Variants in CSMD3 observed in about 807,000 individuals in gnomAD.
The protein encoded by CSMD3 is CUB and sushi domain-containing protein 3.
In CSMD3, 177 loss-of-function variants were observed where a neutral mutation model predicts 435.2. The observed-to-expected ratio is 0.41, with a 90% CI of 0.36 to 0.46. CSMD3 has a LOEUF of 0.46. Among genes scored for constraint, CSMD3 ranks in the 20% least tolerant of loss-of-function variants. CSMD3 has a pLI of 0.34. For missense variants in CSMD3, 4,265 were observed against 4,504.6 expected (o/e 0.95, Z 1.52); for synonymous variants, 1,656 against 1,520.5 (o/e 1.09, Z -2.07).
intron 19 of CSMD3, among the ~76,000 whole-genome samples, chr8:112,649,712 G>C (rs1378058070): frequency 1.3e-5 from 2 of 152,144 alleles, no homozygotes; most frequent in African/African-American, 4.8e-5. Flanking sequence ...AGGGTAGTCG[G>C]AGTAAACTAC....
At chr8:113,333,675 A>G (rs1261900520) in intron 1 of CSMD3, among the ~76,000 whole-genome samples, 2 of 151,950 alleles carry the variant, frequency 1.3e-5, no homozygotes, top group Non-Finnish European at 2.9e-5. Flanking sequence ...TGATTATTGT[A>G]ACTACATAAT....
At chr8:112,314,339 T>A in intron 48 of CSMD3, 90 bp downstream of exon 48, 1 of 953,654 alleles carries the variant, frequency 1.0e-6, no homozygotes, top group African/African-American at 1.6e-5. Context: ...TAAACTCACA[T>A]AAGCAGCTGT....
At position 113,062,103 on chromosome 8, in the gene CSMD3, C is replaced by T. The variant is rs79986311; in HGVS notation, c.917+36653G>A. ...TTAATTATTTTATATTAATGGCTTC[C>T]TATTTTTAAAGATATCTTGTCCACA... is the stretch of plus-strand genomic sequence containing the variant. On this transcript the variant is annotated intron_variant, in intron 5 of 70. Transcript: ENST00000297405. Among the ~76,000 whole-genome samples, 1,308 of 151,726 alleles carry T rather than the reference C, an allele frequency of 8.6e-3. 23 individuals carry two copies. Among genetic ancestry groups the T allele is most frequent in the African/African-American group, 0.03 (1,227 of 41,472 alleles).
At chr8:112,762,540 A>G (rs1269663106) in intron 13 of CSMD3, among the ~76,000 whole-genome samples, 10 of 151,950 alleles carry the variant, frequency 6.6e-5, no homozygotes, top group Admixed American at 5.9e-4. Flanking sequence ...TGGTAAACAC[A>G]CTGAAAATAA....
intron 5 of CSMD3, among the ~76,000 whole-genome samples, chr8:113,091,465 C>T (rs1448825339): frequency 3.3e-5 from 5 of 151,894 alleles, no homozygotes; most frequent in African/African-American, 1.2e-4. Flanking sequence ...TTGGTCTGTT[C>T]GGGCTTTGGA....
chr8:112,504,182 A>C (rs1462201288), intron 29 of CSMD3, among the ~76,000 whole-genome samples: 1 of 152,082 alleles, frequency 6.6e-6, no homozygotes, highest in African/African-American at 2.4e-5. Flanking sequence ...AAAAGAAAAA[A>C]ACTTGATATT....
chr8:112,818,000 A>G (rs575459179), intron 12 of CSMD3, among the ~76,000 whole-genome samples: 1 of 152,058 alleles, frequency 6.6e-6, no homozygotes, highest in Admixed American at 6.5e-5. Flanking sequence ...TCATAAAAAA[A>G]GAAATTTTAT....
At chr8:112,702,368 C>T (rs1157906324) in intron 13 of CSMD3, among the ~76,000 whole-genome samples, 3 of 152,058 alleles carry the variant, frequency 2.0e-5, no homozygotes, top group African/African-American at 7.2e-5. Context: ...CAAGAACATA[C>T]AAAAGTATAT....
rs374533265 is a variant in CSMD3, at chr8:112,667,975, G to A, written c.2678-1560C>T. ...CTTTTTATTCTTTAAATAACTTGAT[G>A]GAACCCAAATGAAATAGCAAATATT... On this transcript the variant is annotated intron_variant, in intron 16 of 70. Coordinates refer to ENST00000297405, the MANE Select transcript of CSMD3 (RefSeq NM_198123.2). Among the ~76,000 whole-genome samples, 55 of 152,094 alleles carry A rather than the reference G, an allele frequency of 3.6e-4. 1 individual carries two copies. Among genetic ancestry groups the A allele is most frequent in the African/African-American group, 8.7e-4 (36 of 41,510 alleles).
chr8:113,067,328 A>C (rs2131388126), intron 5 of CSMD3, among the ~76,000 whole-genome samples: 1 of 152,260 alleles, frequency 6.6e-6, no homozygotes, highest in East Asian at 1.9e-4. Context: ...TTCCATTACA[A>C]ACTTCTTAGA....
In CSMD3 at chr8:112,459,359, G is replaced by GTGT. The variant is rs201845037; in HGVS notation, c.5395+13231_5395+13232insACA. 2.8e-3 allele frequency among the ~76,000 whole-genome samples: 262 copies of GTGT among 93,642 alleles called. 1 individual carries two copies. The highest frequency in any genetic ancestry group is 8.0e-3 in the African/African-American group (129 of 16,070). The allele number at this position is 93,642 out of a possible 152,430, so 61.4% of individuals were successfully genotyped here. The stretch of plus-strand genomic sequence containing the variant: ...TTGTGTGTGTGTTGTGTGTGTGTGT[G>GTGT]GGGGGGGGGGGTTTATTCAATTATG... On this transcript the variant is annotated intron_variant, in intron 32 of 70. Coordinates refer to ENST00000297405, the MANE Select transcript of CSMD3 (RefSeq NM_198123.2).
chr8:112,710,631 CAAGG>C (rs2076590341), intron 13 of CSMD3, among the ~76,000 whole-genome samples: 1 of 151,252 alleles, frequency 6.6e-6, no homozygotes, highest in African/African-American at 2.4e-5. Flanking sequence ...GGGAGAAAGA[CAAGG>C]AAAGTCTGAG....
chr8:112,346,131 A>G lies in CSMD3; in HGVS notation c.6408T>C (p.Asp2136=), dbSNP rs2131022987. 1 of 1,611,834 alleles carries G rather than the reference A, an allele frequency of 6.2e-7. No homozygotes were observed. Among genetic ancestry groups the G allele is most frequent in the South Asian group, 1.1e-5 (1 of 91,026 alleles). The change falls in exon 41 of 71, where the codon GAT becomes GAC. Residue 2136 remains aspartate, a synonymous_variant. Coordinates refer to ENST00000297405, the MANE Select transcript of CSMD3 (RefSeq NM_198123.2). ...GFPGNYPSSL[D]CTWTINLPIG... ...TGGGTAGATTTATTGTCCATGTGCA[A>G]TCTAAACTGCTGGGATAGTTTCCAG...
intron 2 of CSMD3, among the ~76,000 whole-genome samples, chr8:113,297,617 TA>T (rs2093732440): frequency 6.6e-6 from 1 of 152,084 alleles, no homozygotes; most frequent in Non-Finnish European, 1.5e-5. Context: ...TATTACAGAA[TA>T]TTTATATCAT....
chr8:112,995,063 A>T (rs1460332949), intron 6 of CSMD3, among the ~76,000 whole-genome samples: 1 of 151,598 alleles, frequency 6.6e-6, no homozygotes, highest in Non-Finnish European at 1.5e-5. Flanking sequence ...TTCCCAAGGC[A>T]CTATTCTCAG....
At chr8:113,158,707 T>G (rs2091980807) in intron 4 of CSMD3, among the ~76,000 whole-genome samples, 1 of 151,994 alleles carries the variant, frequency 6.6e-6, no homozygotes, top group Non-Finnish European at 1.5e-5. Context: ...CAGAATACAT[T>G]TTGTATTCTG....
At chr8:112,761,431 A>G (rs2077834707) in intron 13 of CSMD3, among the ~76,000 whole-genome samples, 1 of 152,124 alleles carries the variant, frequency 6.6e-6, no homozygotes, top group Non-Finnish European at 1.5e-5. Flanking sequence ...CTGATCCACA[A>G]TATTTTCAAA....
intron 27 of CSMD3, among the ~76,000 whole-genome samples, chr8:112,549,806 G>A (rs988583977): frequency 1.3e-5 from 2 of 151,938 alleles, no homozygotes; most frequent in Non-Finnish European, 2.9e-5. Flanking sequence ...GGGTCACTAG[G>A]TAACGTGCCC....
intron 65 of CSMD3, 96 bp from the exon 66 acceptor site, chr8:112,241,881 C>A: frequency 1.2e-6 from 1 of 807,364 alleles, no homozygotes; most frequent in Non-Finnish European, 2.2e-6. Context: ...CAGTGTGATG[C>A]ACTGTCCATT....
Sources: gnomAD v4.1 joint callset for allele counts (sites outside exome capture counted in the v4.1 genomes callset) on GRCh38, gnomAD v4.1.1 for gene constraint, MANE v1.5 for transcripts, NCBI Gene and HGNC (gene_info 2026-07-23, HGNC 2026-07-21) for gene names.